Variants in MORC3 observed in about 807,000 individuals in gnomAD.
MORC3 encodes MORC family CW-type zinc finger protein 3.
A neutral mutation model predicts 109.1 loss-of-function variants in MORC3; 31 were observed. That is an observed-to-expected ratio of 0.28 (90% CI 0.21 to 0.38). The LOEUF (loss-of-function observed/expected upper bound fraction) is 0.38. Among genes scored for constraint, MORC3 ranks in the 10% least tolerant of loss-of-function variants. The probability of loss-of-function intolerance (pLI) is 1.00; values close to 1 mark genes in which losing one functional copy is unlikely to be tolerated. For missense variants in MORC3, 867 were observed against 1,135.8 expected (o/e 0.76, Z 3.40); for synonymous variants, 395 against 380.7 (o/e 1.04, Z -0.44).
chr21:36,351,666 T>C (rs1178836542), intron 9 of MORC3, among the ~76,000 whole-genome samples: 1 of 152,250 alleles, frequency 6.6e-6, no homozygotes, highest in Non-Finnish European at 1.5e-5. Flanking sequence ...ATAGTTTTTT[T>C]ATTCATTTAT....
rs563060829 is a variant in MORC3 at position 36,344,034 on chromosome 21, A to G, written c.757-545A>G. Among the ~76,000 whole-genome samples, 152 of 152,288 alleles carry G rather than the reference A, an allele frequency of 1.0e-3. 1 individual carries two copies. Among genetic ancestry groups the G allele is most frequent in the Non-Finnish European group, 1.4e-3 (94 of 68,034 alleles). Reference sequence around the variant, plus strand: ...ATGGTATGGTTTTAGTACACTACAAAATACAGTGTTTTTTAAATGACGCAA... The same window carrying G: ...ATGGTATGGTTTTAGTACACTACAAGATACAGTGTTTTTTAAATGACGCAA... On this transcript the variant is annotated intron_variant, in intron 6 of 16. Coordinates refer to ENST00000400485, the MANE Select transcript of MORC3 (RefSeq NM_015358.3).
At chr21:36,371,810 GTTTTGTT>G (rs1323601754) in intron 15 of MORC3, among the ~76,000 whole-genome samples, 3,207 of 143,946 alleles carry the variant, frequency 0.022, 48 homozygotes, top group Admixed American at 0.042. Context: ...GTTTTGTTTT[GTTTTGTT>G]TTTTTTTTTT....
At chr21:36,371,815 G>GTTTTT (rs545030354) in intron 15 of MORC3, among the ~76,000 whole-genome samples, 10 of 124,294 alleles carry the variant, frequency 8.0e-5, no homozygotes, top group Middle Eastern at 3.6e-3. Context: ...GTTTTGTTTT[G>GTTTTT]TTTTTTTTTT....
In MORC3 at chr21:36,360,022, A is replaced by T. The variant is rs2085695149; in HGVS notation, c.1276A>T (p.Met426Leu). 3 of 1,614,030 alleles carry T rather than the reference A, an allele frequency of 1.9e-6. No homozygotes were observed. The highest frequency in any genetic ancestry group is 2.5e-6 in the Non-Finnish European group (3 of 1,180,030). The change falls in exon 11 of 17, where the codon ATG (methionine) becomes TTG (leucine). Residue 426 changes from methionine (M) to leucine (L), a missense_variant. Physicochemically the swap from Met to Leu is conservative, Grantham distance 15 (BLOSUM62 2). This residue lies in a region of MORC3 where 120 missense variants were observed against 259.7 expected (regional missense o/e 0.46). Coordinates refer to ENST00000400485, the MANE Select transcript of MORC3 (RefSeq NM_015358.3). ...CLKWRKLPDG[M>L]DQLPEKWYCS... ...AAAGTGGCGGAAATTACCTGATGGGATGGATCAACTTCCTGAAAAATGGTA... is the reference window on the plus strand; with the variant it reads ...AAAGTGGCGGAAATTACCTGATGGGTTGGATCAACTTCCTGAAAAATGGTA...
chr21:36,369,819 C>T lies in MORC3; in HGVS notation c.2451C>T (p.Asp817=), dbSNP rs376316188. 40 of 1,613,850 alleles carry T rather than the reference C, an allele frequency of 2.5e-5. No homozygotes were observed. The highest frequency in any genetic ancestry group is 1.4e-4 in the South Asian group (13 of 91,066). The part of the protein sequence containing the change: ...SEMDEMAVQL[D]DVFRQLDKCS... ...TGGATGAGATGGCTGTGCAGCTTGA[C>T]GATGTGTTTAGACAACTGGACAAAT... The change falls in exon 15 of 17, where the codon GAC becomes GAT. Residue 817 remains aspartate (D), a synonymous_variant. Coordinates refer to ENST00000400485, the MANE Select transcript of MORC3 (RefSeq NM_015358.3).
At position 36,363,063 on chromosome 21, in the gene MORC3, C is replaced by T. The variant is rs556460488; in HGVS notation, c.1452+835C>T. 6.6e-5 allele frequency among the ~76,000 whole-genome samples: 10 copies of T among 152,140 alleles called. No individual in the cohort carries two copies. In the South Asian group the frequency reaches 1.7e-3, roughly 25 times the overall value. Reference sequence around the variant, plus strand: ...TCTTAATACTTACTGTGTTAAAGAGCTTTGGTTGAGTATAGATTCTCCTAG... The same window carrying T: ...TCTTAATACTTACTGTGTTAAAGAGTTTTGGTTGAGTATAGATTCTCCTAG... On this transcript the variant is annotated intron_variant, in intron 13 of 16. Coordinates refer to ENST00000400485, the MANE Select transcript of MORC3 (RefSeq NM_015358.3).
chr21:36,369,618 C>G lies in MORC3; in HGVS notation c.2250C>G (p.Thr750=), dbSNP rs200880046. 1 of 1,614,006 alleles carries G rather than the reference C, an allele frequency of 6.2e-7. No homozygotes were observed. Among genetic ancestry groups the G allele is most frequent in the Non-Finnish European group, 8.5e-7 (1 of 1,180,044 alleles). ...KKETCHQSTE[T]DAVFLLESIN... ...AAACTTGCCATCAGTCCACTGAAAC[C>G]GATGCTGTATTTTTACTTGAAAGTA... The change falls in exon 15 of 17, where the codon ACC becomes ACG. Residue 750 remains threonine, a synonymous_variant. Coordinates refer to ENST00000400485, the MANE Select transcript of MORC3 (RefSeq NM_015358.3).
At chr21:36,339,951 T>C (rs1366047976) in intron 5 of MORC3, among the ~76,000 whole-genome samples, 1 of 152,176 alleles carries the variant, frequency 6.6e-6, no homozygotes, top group Non-Finnish European at 1.5e-5. Context: ...TTAGGTACAC[T>C]TCATTCAGTT....
At chr21:36,325,500 A>G (rs527729389) in intron 1 of MORC3, among the ~76,000 whole-genome samples, 1 of 152,362 alleles carries the variant, frequency 6.6e-6, no homozygotes, top group Non-Finnish European at 1.5e-5. Context: ...TAACCATTTT[A>G]AAGTTTCAAT....
chr21:36,349,235 CTA>C (rs1443649478), intron 8 of MORC3, 74 bp from the exon 9 acceptor site: 1 of 878,314 alleles, frequency 1.1e-6, no homozygotes, highest in Non-Finnish European at 1.8e-6. Context: ...AATATACAAA[CTA>C]TAATTCTTTA....
chr21:36,362,157 A>G lies in MORC3; in HGVS notation c.1407-26A>G, dbSNP rs115652856. 3,370 of 1,610,594 alleles carry G rather than the reference A, an allele frequency of 2.1e-3. 55 individuals are homozygous for G. In the African/African-American group the frequency reaches 0.04, roughly 19 times the overall value. On this transcript the variant is annotated intron_variant, in intron 12 of 16. Transcript: ENST00000400485. ...TGGGAAATGGGATTGAGAAATAACA[A>G]CATGTTTTTCATCTTTATTTTAAAG...
At chr21:36,340,728 C>A (rs1441037707) in intron 5 of MORC3, among the ~76,000 whole-genome samples, 1 of 151,018 alleles carries the variant, frequency 6.6e-6, no homozygotes, top group Non-Finnish European at 1.5e-5. Flanking sequence ...CCTCCGCCCA[C>A]CGGGTTCAAG....
chr21:36,370,416 C>G (rs2146342210), intron 15 of MORC3, among the ~76,000 whole-genome samples: 1 of 151,844 alleles, frequency 6.6e-6, no homozygotes, highest in Admixed American at 6.6e-5. Flanking sequence ...GGTAAATGTC[C>G]TGTTCAGAAT....
At chr21:36,333,401 T>C (rs919691429) in intron 1 of MORC3, 1 of 516,952 alleles carries the variant, frequency 1.9e-6, no homozygotes, top group Non-Finnish European at 3.4e-6. Flanking sequence ...AGTTATGACA[T>C]TGTAGACATA....
chr21:36,356,106 A>T (rs960782312), intron 9 of MORC3, among the ~76,000 whole-genome samples: 2 of 152,194 alleles, frequency 1.3e-5, no homozygotes, highest in Admixed American at 1.3e-4. Flanking sequence ...GGAGGTGGCT[A>T]TGAAATTACT....
intron 15 of MORC3, among the ~76,000 whole-genome samples, chr21:36,370,635 A>ATTTTTTT (rs1361206395): frequency 1.2e-4 from 5 of 42,002 alleles, no homozygotes; most frequent in Admixed American, 3.5e-4. Flanking sequence ...ATATATATAT[A>ATTTTTTT]TATATTTTTT....
Position 36,341,593 on chromosome 21 carries a change from T to C in MORC3, c.756+47T>C, listed in dbSNP as rs1231375862. On this transcript the variant is annotated intron_variant, in intron 6 of 16. Coordinates refer to ENST00000400485, the MANE Select transcript of MORC3 (RefSeq NM_015358.3). ...TGGAAGTGAGAAAATCATTGAATGC[T>C]GGTAGTATTAGGAGAGGTCATGTTA... 5 of 1,610,970 alleles carry C rather than the reference T, an allele frequency of 3.1e-6. No homozygotes were observed. The African/African-American group carries it at 5.3e-5, about 17-fold the overall frequency.
chr21:36,321,548 CTTTTTTT>C (rs746656195), intron 1 of MORC3, among the ~76,000 whole-genome samples: 4 of 139,122 alleles, frequency 2.9e-5, no homozygotes, highest in Admixed American at 7.2e-5. Flanking sequence ...TTCTTTTTTT[CTTTTTTT>C]TTTTTTTAAC....
At chr21:36,370,430 A>G (rs2085841916) in intron 15 of MORC3, among the ~76,000 whole-genome samples, 1 of 151,872 alleles carries the variant, frequency 6.6e-6, no homozygotes, top group Non-Finnish European at 1.5e-5. Flanking sequence ...TCAGAATACC[A>G]ATATTAACTT....
Sources: allele counts gnomAD v4.1 joint callset (sites outside exome capture counted in the v4.1 genomes callset), GRCh38; gene constraint gnomAD v4.1.1; regional missense constraint gnomAD v4.1.1; transcripts MANE v1.5; gene names NCBI Gene and HGNC (gene_info 2026-07-23, HGNC 2026-07-21).